CACNA2D3: variants seen among roughly 807,000 people sequenced by gnomAD.
The protein encoded by CACNA2D3 is voltage-dependent calcium channel subunit alpha-2/delta-3.
In CACNA2D3, 60 loss-of-function variants were observed where a neutral mutation model predicts 160.6. That is an observed-to-expected ratio of 0.37 (90% CI 0.30 to 0.46). The LOEUF (loss-of-function observed/expected upper bound fraction) is 0.46, where lower values mean the gene tolerates loss of function less well. Ranked by LOEUF, CACNA2D3 falls within the 20% of genes least tolerant of loss-of-function variation. The pLI, the probability that CACNA2D3 is intolerant of heterozygous loss-of-function variation, is 1.00. For synonymous variants in CACNA2D3, 558 were observed against 492.9 expected, an observed-to-expected ratio of 1.13 and a Z score of -1.75; for missense variants, 1,205 against 1,365.0, an observed-to-expected ratio of 0.88 and a Z score of 1.85.
At chr3:54,180,177 G>T (rs1206257056) in intron 2 of CACNA2D3, among the ~76,000 whole-genome samples, 1 of 147,350 alleles carries the variant, frequency 6.8e-6, no homozygotes, top group African/African-American at 2.5e-5. Context: ...CATGATGAAT[G>T]ACCTTAGCTT....
chr3:54,516,763 G>A (rs2106976301), intron 5 of CACNA2D3, among the ~76,000 whole-genome samples: 1 of 152,270 alleles, frequency 6.6e-6, no homozygotes, highest in Middle Eastern at 3.4e-3. Context: ...GGGGAAATTG[G>A]ATCAGAACTG....
At chr3:54,606,565 G>T (rs1698630376) in intron 9 of CACNA2D3, among the ~76,000 whole-genome samples, 1 of 152,130 alleles carries the variant, frequency 6.6e-6, no homozygotes, top group Non-Finnish European at 1.5e-5. Flanking sequence ...CTAGGATTTG[G>T]GGTCTGAGTC....
intron 35 of CACNA2D3, 24 bp downstream of exon 35, chr3:55,018,341 A>C: frequency 1.5e-6 from 2 of 1,368,090 alleles, no homozygotes; most frequent in Non-Finnish European, 2.1e-6. Context: ...CCACCCTCTA[A>C]CCCCCTACAC....
chr3:54,796,510 T>C (rs1471423293), intron 13 of CACNA2D3, among the ~76,000 whole-genome samples: 1 of 152,194 alleles, frequency 6.6e-6, no homozygotes, highest in Non-Finnish European at 1.5e-5. Flanking sequence ...CCAGTGAACA[T>C]AATATATATT....
Position 54,752,622 on chromosome 3 carries a change from T to C in CACNA2D3, c.1191T>C (p.Ile397=), listed in dbSNP as rs764420979. Residue 397 remains isoleucine, a synonymous_variant, in exon 12 of 38, where the codon ATT becomes ATC. Transcript: ENST00000474759. ...DRKVRIFTYL[I]GREAAFADNL... is the part of the protein sequence containing the mutation. ...AGGTTCGCATCTTCACATACCTCAT[T>C]GGACGAGAGGCTGCGTTTGCAGACA... 3.1e-6 allele frequency: 5 copies of C among 1,613,436 alleles called. No homozygotes were observed. The African/African-American group carries it at 6.7e-5, about 22-fold the overall frequency.
At chr3:54,162,938 G>T (rs780472453) in intron 2 of CACNA2D3, among the ~76,000 whole-genome samples, 18 of 152,198 alleles carry the variant, frequency 1.2e-4, no homozygotes, top group Non-Finnish European at 2.6e-4. Context: ...AGAGAATAGT[G>T]GGAGGTGCTG....
At chr3:54,184,901 C>T (rs1431916433) in intron 2 of CACNA2D3, among the ~76,000 whole-genome samples, 1 of 152,150 alleles carries the variant, frequency 6.6e-6, no homozygotes, top group Non-Finnish European at 1.5e-5. Context: ...CTAGTATTAG[C>T]GAGGGTAATG....
intron 2 of CACNA2D3, among the ~76,000 whole-genome samples, chr3:54,263,272 G>A (rs1702437431): frequency 6.6e-6 from 1 of 152,190 alleles, no homozygotes; most frequent in African/African-American, 2.4e-5. Flanking sequence ...TTGTATGGTG[G>A]CTACTGTGTA....
chr3:54,250,430 TTAAAA>T (rs1575344377), intron 2 of CACNA2D3, among the ~76,000 whole-genome samples: 1 of 152,164 alleles, frequency 6.6e-6, no homozygotes, highest in Non-Finnish European at 1.5e-5. Flanking sequence ...TACTTAACAA[TTAAAA>T]TAAATACTTT....
chr3:54,441,761 T>G (rs1224572282), intron 4 of CACNA2D3, among the ~76,000 whole-genome samples: 2 of 152,226 alleles, frequency 1.3e-5, no homozygotes, highest in Non-Finnish European at 2.9e-5. Flanking sequence ...AAGTGCCTTT[T>G]ATGTGCCAGG....
chr3:54,867,202 A>G (rs1224747697), intron 17 of CACNA2D3, among the ~76,000 whole-genome samples: 1 of 152,112 alleles, frequency 6.6e-6, no homozygotes, highest in African/African-American at 2.4e-5. Context: ...CCCCTTTTAA[A>G]ACTGCATGGG....
chr3:54,785,756 T>A (rs72874255), intron 13 of CACNA2D3, among the ~76,000 whole-genome samples: 9,500 of 152,250 alleles, frequency 0.062, 946 homozygotes, highest in African/African-American at 0.21. Flanking sequence ...GTGGCCCAGA[T>A]CCTTGTTATA....
chr3:54,327,075 G>T (rs12495494), intron 3 of CACNA2D3, among the ~76,000 whole-genome samples: 17 of 152,188 alleles, frequency 1.1e-4, no homozygotes, highest in Admixed American at 1.1e-3. Flanking sequence ...GATGAGGTCA[G>T]TGAACCATCT....
At chr3:54,623,553 G>A (rs1235577602) in intron 9 of CACNA2D3, among the ~76,000 whole-genome samples, 1 of 152,148 alleles carries the variant, frequency 6.6e-6, no homozygotes, top group East Asian at 1.9e-4. Context: ...CTTGATGCTG[G>A]GCAGGCAAAA....
intron 31 of CACNA2D3, among the ~76,000 whole-genome samples, chr3:54,990,499 T>G (rs551831738): frequency 9.2e-5 from 14 of 151,982 alleles, no homozygotes; most frequent in Non-Finnish European, 1.6e-4. Context: ...CTACGGCACT[T>G]CAGCCTGGGT....
chr3:55,070,854 C>G (rs1478035537), intron 35 of CACNA2D3, among the ~76,000 whole-genome samples: 1 of 152,164 alleles, frequency 6.6e-6, no homozygotes, highest in Non-Finnish European at 1.5e-5. Flanking sequence ...TAATTGGACT[C>G]TACCATAAAA....
intron 13 of CACNA2D3, among the ~76,000 whole-genome samples, chr3:54,766,365 C>A (rs1181859839): frequency 2.6e-5 from 4 of 152,064 alleles, no homozygotes. Context: ...GGCTTTTAAA[C>A]ATAAGATGTA....
chr3:54,622,135 C>A (rs915886174), intron 9 of CACNA2D3, among the ~76,000 whole-genome samples: 3 of 152,198 alleles, frequency 2.0e-5, no homozygotes, highest in Admixed American at 6.5e-5. Flanking sequence ...ACCCCACCCA[C>A]TACTCAGGTG....
chr3:54,884,506 C>T (rs1004474063), intron 21 of CACNA2D3, among the ~76,000 whole-genome samples: 1 of 152,206 alleles, frequency 6.6e-6, no homozygotes, highest in Admixed American at 6.5e-5. Context: ...AAACTAACTT[C>T]CCAAAACAGG....
Sources: allele counts gnomAD v4.1 joint callset (sites outside exome capture counted in the v4.1 genomes callset), GRCh38; gene constraint gnomAD v4.1.1; transcripts MANE v1.5; gene names NCBI Gene and HGNC (gene_info 2026-07-23, HGNC 2026-07-21).